Variants in EFHB observed in about 807,000 individuals in gnomAD.
EFHB encodes EF-hand domain family member B.
Under a neutral mutation model 87.2 loss-of-function variants are expected in EFHB, and 91 were observed. That is an observed-to-expected ratio of 1.04 (90% CI 0.88 to 1.24). The LOEUF (loss-of-function observed/expected upper bound fraction) is 1.24. Ranked by LOEUF, EFHB falls within the 50% of genes most tolerant of loss-of-function variation. The pLI is 0.00. For synonymous variants in EFHB, 325 were observed against 333.6 expected, an observed-to-expected ratio of 0.97 and a Z score of 0.28; for missense variants, 1,084 against 998.8, an observed-to-expected ratio of 1.09 and a Z score of -1.15.
In EFHB at chr3:19,918,413, C is replaced by T; in HGVS notation, c.997-1G>A. 1 of 1,575,616 alleles carries T rather than the reference C, an allele frequency of 6.3e-7. No homozygotes were observed. Among genetic ancestry groups the T allele is most frequent in the Non-Finnish European group, 8.6e-7 (1 of 1,166,022 alleles). On this transcript the variant is annotated splice_acceptor_variant, in intron 3 of 12. Transcript: ENST00000295824. LOFTEE classifies it high-confidence loss of function. ...GCTGTGGGTTTATCAATGTGTTTGC[C>T]TAAAGAAATCATACAATGCACAAAT...
chr3:19,894,170 A>C (rs777984759), intron 9 of EFHB, among the ~76,000 whole-genome samples: 2 of 152,214 alleles, frequency 1.3e-5, no homozygotes, highest in Non-Finnish European at 2.9e-5. Flanking sequence ...GTTGTGTTAC[A>C]TATGTTCAAC....
chr3:19,879,807 A>T lies in EFHB; in HGVS notation c.2329-3T>A. ...ATGTTACACAATATCTCTGCAATCT[A>T]GAAAAAGGCATTTAAAATAGACCAT... On this transcript the variant is annotated splice_polypyrimidine_tract_variant and splice_region_variant and intron_variant, in intron 12 of 12. Coordinates refer to ENST00000295824, the MANE Select transcript of EFHB (RefSeq NM_144715.4). 6.4e-7 allele frequency: 1 copy of T among 1,573,098 alleles called. No homozygotes were observed. The highest frequency in any genetic ancestry group is 8.6e-7 in the Non-Finnish European group (1 of 1,163,638).
intron 12 of EFHB, among the ~76,000 whole-genome samples, chr3:19,881,286 G>A (rs1486699112): frequency 6.6e-6 from 1 of 152,140 alleles, no homozygotes; most frequent in East Asian, 1.9e-4. Context: ...CCACTCCTTG[G>A]AGGCTTTGCT....
At chr3:19,940,378 C>A (rs1027808496) in intron 1 of EFHB, 1 of 409,628 alleles carries the variant, frequency 2.4e-6, no homozygotes, top group South Asian at 1.9e-5. Flanking sequence ...GATGGGATTG[C>A]AGACTCTCTC....
Position 19,897,469 on chromosome 3 carries a change from T to A in EFHB, c.1571-628A>T, listed in dbSNP as rs143832620. Among the ~76,000 whole-genome samples the A allele has an allele frequency of 2.0e-3, 299 of 152,212 alleles. 2 individuals carry two copies. The highest frequency in any genetic ancestry group is 6.9e-3 in the African/African-American group (286 of 41,540). ...GCTCCAGATGTGGCGGCTCGGTGGATATCGCCAGAGGAGACCTCCTGCCTC... is the reference window on the plus strand; with the variant it reads ...GCTCCAGATGTGGCGGCTCGGTGGAAATCGCCAGAGGAGACCTCCTGCCTC... On this transcript the variant is annotated intron_variant, in intron 8 of 12. Transcript: ENST00000295824.
chr3:19,905,059 T>A (rs1048439527), intron 6 of EFHB, among the ~76,000 whole-genome samples: 4 of 152,170 alleles, frequency 2.6e-5, no homozygotes, highest in African/African-American at 9.7e-5. Context: ...TGAGTGATGC[T>A]CAGGTGCCCA....
rs767165684 is a variant in EFHB at position 19,933,279 on chromosome 3, C to A, written c.740G>T (p.Arg247Ile). Residue 247 changes from arginine to isoleucine, a missense_variant, in exon 1 of 13, where the codon AGA (arginine) becomes ATA (isoleucine). By Grantham distance (97) the Arg-to-Ile change is moderately conservative. Transcript: ENST00000295824. The part of the protein sequence containing the change: ...ESGVEPPDRI[R>I]PIYSGKFFDR... The stretch of plus-strand genomic sequence containing the variant: ...AAAAAACTTCCCAGAGTATATGGGT[C>A]TGATGCGATCTGGAGGTTCCACTCC... 6.2e-7 allele frequency: 1 copy of A among 1,614,028 alleles called. No individual in the cohort carries two copies. The highest frequency in any genetic ancestry group is 1.1e-5 in the South Asian group (1 of 91,090).
At chr3:19,938,858 G>C (rs1365602225), upstream of EFHB, among the ~76,000 whole-genome samples, 3 of 152,078 alleles carry the variant, frequency 2.0e-5, no homozygotes, top group African/African-American at 4.8e-5. Flanking sequence ...GCTCAACCCA[G>C]GGCGTGTAGT....
At chr3:19,931,096 G>A (rs184469084) in intron 1 of EFHB, among the ~76,000 whole-genome samples, 179 of 152,250 alleles carry the variant, frequency 1.2e-3, no homozygotes, top group African/African-American at 4.1e-3. Flanking sequence ...CTGGGAGGCC[G>A]AGTTTGCAGC....
In EFHB at chr3:19,882,725, G is replaced by A. The variant is rs1559442093; in HGVS notation, c.2153C>T (p.Pro718Leu). The A allele has an allele frequency of 1.2e-6, 2 of 1,611,464 alleles. No homozygotes were observed. The highest frequency in any genetic ancestry group is 1.7e-6 in the Non-Finnish European group (2 of 1,178,484). ...TCGAATGGTTGGAACACCACAAATG[G>A]GGTAACCTAGGTCATTGATGAGGGA... ...IVGAIPSTCYPICGVPTIRSD... is the reference protein window; with the variant it reads ...IVGAIPSTCYLICGVPTIRSD... Residue 718 changes from proline (P) to leucine (L), a missense_variant, in exon 12 of 13, where the codon CCC becomes CTC. Physicochemically the swap from Pro to Leu is moderately conservative, Grantham distance 98. Transcript: ENST00000295824.
At chr3:19,930,977 A>T (rs1695809945) in intron 1 of EFHB, among the ~76,000 whole-genome samples, 1 of 152,168 alleles carries the variant, frequency 6.6e-6, no homozygotes, top group African/African-American at 2.4e-5. Flanking sequence ...TATTAAAAAT[A>T]CAAAAATTAA....
chr3:19,914,282 T>A (rs1310201921), intron 5 of EFHB, among the ~76,000 whole-genome samples: 1 of 152,122 alleles, frequency 6.6e-6, no homozygotes, highest in Admixed American at 6.5e-5. Flanking sequence ...GCAATAGACA[T>A]GAAATTTTTC....
At chr3:19,939,393 T>TTC (rs1696099305) in intron 1 of EFHB, among the ~76,000 whole-genome samples, 1 of 113,892 alleles carries the variant, frequency 8.8e-6, no homozygotes, top group Non-Finnish European at 1.9e-5. Flanking sequence ...TTTTTTTTTT[T>TTC]TTTTTTTGGG....
chr3:19,932,896 T>G (rs1253157509), intron 1 of EFHB, among the ~76,000 whole-genome samples: 1 of 152,176 alleles, frequency 6.6e-6, no homozygotes, highest in Non-Finnish European at 1.5e-5. Context: ...TCTTTTCCAT[T>G]CATAGTATGA....
In EFHB at chr3:19,882,976, C is replaced by CT. The variant is rs557141469; in HGVS notation, c.2147-246dup. ...GTATTAAAATTAATTTCACCTGTTT[C>CT]TTTTTTTAACATGACTTTTTTTTCT... On this transcript the variant is annotated intron_variant, in intron 11 of 12. Coordinates refer to ENST00000295824, the MANE Select transcript of EFHB (RefSeq NM_144715.4). 1.3e-3 allele frequency among the ~76,000 whole-genome samples: 190 copies of CT among 151,960 alleles called. 3 individuals are homozygous for CT. In the South Asian group the frequency reaches 0.02, roughly 16 times the overall value.
intron 5 of EFHB, among the ~76,000 whole-genome samples, chr3:19,908,610 A>G (rs879714400): frequency 0.02 from 2,348 of 119,684 alleles, 22 homozygotes; most frequent in Middle Eastern, 0.038. Context: ...GAAAGAAAGA[A>G]AGAAAGAAAG....
At chr3:19,893,349 T>A (rs114871566) in intron 9 of EFHB, among the ~76,000 whole-genome samples, 1 of 152,314 alleles carries the variant, frequency 6.6e-6, no homozygotes, top group African/African-American at 2.4e-5. Flanking sequence ...CTTTTATGCC[T>A]GACCTTTCCA....
chr3:19,894,668 C>T (rs1694412892), intron 9 of EFHB: 1 of 152,150 alleles, frequency 6.6e-6, no homozygotes. Flanking sequence ...CTGAATGCTA[C>T]ATTGTGCATA....
chr3:19,918,199 C>A, intron 4 of EFHB, 33 bp downstream of exon 4: 2 of 1,524,276 alleles, frequency 1.3e-6, no homozygotes, highest in Non-Finnish European at 8.8e-7. Flanking sequence ...ATTTTACCAG[C>A]CCCTTCCCAC....
Sources: allele counts gnomAD v4.1 joint callset (sites outside exome capture counted in the v4.1 genomes callset), GRCh38; gene constraint gnomAD v4.1.1; transcripts MANE v1.5; gene names NCBI Gene and HGNC (gene_info 2026-07-23, HGNC 2026-07-21).